TMPRSS9: variants seen among roughly 807,000 people sequenced by gnomAD.
The protein encoded by TMPRSS9 is transmembrane protease serine 9.
A neutral mutation model predicts 111.4 loss-of-function variants in TMPRSS9; 113 were observed. The ratio of observed to expected loss-of-function variants is 1.01; its 90% CI spans 0.87 to 1.19. TMPRSS9 has a LOEUF of 1.19. Ranked by LOEUF, TMPRSS9 falls within the 50% of genes most tolerant of loss-of-function variation. TMPRSS9 has a pLI of 0.00. For missense variants in TMPRSS9, 1,803 were observed against 1,513.1 expected (o/e 1.19, Z -3.18); for synonymous variants, 805 against 659.1 (o/e 1.22, Z -3.39).
intron 1 of TMPRSS9, among the ~76,000 whole-genome samples, chr19:2,373,819 G>A (rs920299061): frequency 2.6e-5 from 4 of 152,212 alleles, no homozygotes; most frequent in Non-Finnish European, 5.9e-5. Flanking sequence ...TTTCTTTGCC[G>A]TACACGTGGC....
intron 7 of TMPRSS9, among the ~76,000 whole-genome samples, chr19:2,408,155 G>C (rs543671780): frequency 6.6e-6 from 1 of 151,980 alleles, no homozygotes; most frequent in Admixed American, 6.6e-5. Flanking sequence ...CTGGGCTCAG[G>C]TGATCCTCCC....
upstream of TMPRSS9, among the ~76,000 whole-genome samples, chr19:2,389,473 G>A (rs918344504): frequency 1.3e-5 from 2 of 150,710 alleles, no homozygotes; most frequent in African/African-American, 2.4e-5. Flanking sequence ...GGGTTCAAGC[G>A]ATTCTCCTGC....
At chr19:2,394,825 G>A (rs1366936412) in intron 1 of TMPRSS9, among the ~76,000 whole-genome samples, 7 of 152,042 alleles carry the variant, frequency 4.6e-5, no homozygotes, top group Admixed American at 4.6e-4. Flanking sequence ...TAGTTTTAAC[G>A]TATTTTTGAC....
At chr19:2,376,764 G>A (rs917181665) in intron 1 of TMPRSS9, among the ~76,000 whole-genome samples, 2 of 152,078 alleles carry the variant, frequency 1.3e-5, no homozygotes, top group African/African-American at 4.8e-5. Flanking sequence ...GCCCCAAGAT[G>A]CATTTCTAGG....
intron 10 of TMPRSS9, among the ~76,000 whole-genome samples, chr19:2,414,584 T>C (rs997143735): frequency 1.3e-5 from 2 of 151,876 alleles, no homozygotes; most frequent in Admixed American, 1.3e-4. Flanking sequence ...CCCAGACAAC[T>C]TGTAGGACTG....
chr19:2,416,651 C>T, exon 12 of TMPRSS9: 1 of 1,613,082 alleles, frequency 6.2e-7, no homozygotes. Flanking sequence ...CTCTACAACC[C>T]TGGCATCCTG....
chr19:2,410,921 T>A (rs75996230), intron 9 of TMPRSS9, among the ~76,000 whole-genome samples: 14,096 of 151,994 alleles, frequency 0.093, 934 homozygotes, highest in East Asian at 0.26. Flanking sequence ...TCCGTCTGTA[T>A]GGGAAGGGTT....
intron 12 of TMPRSS9, 46 bp downstream of exon 13, chr19:2,416,855 G>A (rs1231562880): frequency 1.9e-6 from 3 of 1,558,848 alleles, no homozygotes; most frequent in Admixed American, 1.7e-5. Context: ...ATTCTCCAGG[G>A]CCTGGCCTGG....
chr19:2,381,352 G>A (rs979181192), intron 1 of TMPRSS9, among the ~76,000 whole-genome samples: 1 of 151,610 alleles, frequency 6.6e-6, no homozygotes, highest in African/African-American at 2.4e-5. Flanking sequence ...TGAACACTGT[G>A]TGTGTGTGTG....
chr19:2,381,358 G>C (rs1298182947), intron 1 of TMPRSS9, among the ~76,000 whole-genome samples: 1 of 151,474 alleles, frequency 6.6e-6, no homozygotes, highest in Admixed American at 6.6e-5. Flanking sequence ...CTGTGTGTGT[G>C]TGTGCGTGTG....
At chr19:2,383,062 A>G (rs755751129) in intron 1 of TMPRSS9, among the ~76,000 whole-genome samples, 3 of 152,188 alleles carry the variant, frequency 2.0e-5, no homozygotes, top group Admixed American at 6.6e-5. Flanking sequence ...ACCGATTTAA[A>G]TGTTAATTGG....
chr19:2,407,617 T>C (rs1156661491), intron 7 of TMPRSS9, among the ~76,000 whole-genome samples: 15 of 139,624 alleles, frequency 1.1e-4, no homozygotes, highest in African/African-American at 3.1e-4. Flanking sequence ...TCTTTTTTTT[T>C]TTTTTTTTTT....
rs1004759581 is a variant in TMPRSS9, at chr19:2,424,109, G to C, written c.2569G>C (p.Ala857Pro). ...CGCAGACTGTGGCCTGGCGCCGGCC[G>C]CGCTCACCAGGATTGTGGGCGGCAG... The change falls in exon 15 of 18, where the codon GCG becomes CCG. Residue 857 changes from alanine (A) to proline (P), a missense_variant. Ala to Pro is a conservative substitution (Grantham distance 27, BLOSUM62 -1). Transcript: ENST00000648592. The C allele has an allele frequency of 7.5e-7, 1 of 1,330,796 alleles. No individual in the cohort carries two copies. Among genetic ancestry groups the C allele is most frequent in the Non-Finnish European group, 9.6e-7 (1 of 1,037,476 alleles). 82.4% of individuals were successfully genotyped at this position (1,330,796 alleles called of 1,614,324 possible). A position where few individuals can be genotyped will look rare whatever the true frequency, so the allele number is the denominator to read the frequency against.
chr19:2,381,360 G>A (rs1048184117), intron 1 of TMPRSS9, among the ~76,000 whole-genome samples: 1 of 151,594 alleles, frequency 6.6e-6, no homozygotes, highest in African/African-American at 2.4e-5. Flanking sequence ...GTGTGTGTGT[G>A]TGCGTGTGTG....
In TMPRSS9 at chr19:2,410,293, G is replaced by T. The variant is rs558960490; in HGVS notation, c.1153G>T (p.Glu385Ter). The T allele has an allele frequency of 1.9e-6, 3 of 1,614,022 alleles. No homozygotes were observed. The South Asian group carries it at 3.3e-5, about 18-fold the overall frequency. The stretch of plus-strand genomic sequence containing the variant: ...AGAGGTGCTGCAGAAAGCCACTGTG[G>T]AGCTGCTGGACCAGGCACTGTGTGC... Residue 385 changes from glutamate (E) to a stop codon, truncating the protein, a stop_gained, in exon 9 of 18, where the codon GAG becomes TAG. Transcript: ENST00000648592. LOFTEE classifies it high-confidence loss of function.
intron 2 of TMPRSS9, among the ~76,000 whole-genome samples, chr19:2,398,092 A>C (rs1194535419): frequency 6.7e-6 from 1 of 149,486 alleles, no homozygotes; most frequent in Non-Finnish European, 1.5e-5. Context: ...TCAGGAGTTC[A>C]AGACCAGCCT....
chr19:2,395,831 T>C (rs968936393), intron 1 of TMPRSS9, among the ~76,000 whole-genome samples: 13 of 151,796 alleles, frequency 8.6e-5, no homozygotes, highest in Non-Finnish European at 1.5e-4. Flanking sequence ...CACAGTGAAA[T>C]CCCGTCTCTA....
At chr19:2,417,911 G>A in intron 12 of TMPRSS9, 91 bp from the exon 14 acceptor site, 1 of 1,516,980 alleles carries the variant, frequency 6.6e-7, no homozygotes. Context: ...GTGGGGTGGG[G>A]ATGCTGCATC....
Position 2,418,310 on chromosome 19 carries a change from C to T in TMPRSS9, c.2154+172C>T, listed in dbSNP as rs1256648837. Among the ~76,000 whole-genome samples, 145 of 31,848 alleles carry T rather than the reference C, an allele frequency of 4.6e-3. 23 individuals are homozygous for T. The highest frequency in any genetic ancestry group is 0.043 in the East Asian group (39 of 916). The allele number at this position is 31,848 out of a possible 152,430, so 20.9% of individuals were successfully genotyped here. A position where few individuals can be genotyped will look rare whatever the true frequency, so the allele number is the denominator to read the frequency against. Reference sequence around the variant, plus strand: ...TTCCTCCTTTCCTTCCCTCCCTTTCCCTCCCTCCCTCCCTCCCTCCCTTTC... The same window carrying T: ...TTCCTCCTTTCCTTCCCTCCCTTTCTCTCCCTCCCTCCCTCCCTCCCTTTC... On this transcript the variant is annotated intron_variant, in intron 13 of 17. Transcript: ENST00000648592.
Sources: gnomAD v4.1 joint callset for allele counts (sites outside exome capture counted in the v4.1 genomes callset) on GRCh38, gnomAD v4.1.1 for gene constraint, MANE v1.5 for transcripts, NCBI Gene and HGNC (gene_info 2026-07-23, HGNC 2026-07-21) for gene names.